Variants in SH3RF2 observed in about 807,000 individuals in gnomAD.
SH3RF2 encodes SH3 domain containing ring finger 2.
In SH3RF2, 43 loss-of-function variants were observed where a neutral mutation model predicts 59.0. That is an observed-to-expected ratio of 0.73 (90% CI 0.57 to 0.94). The LOEUF (loss-of-function observed/expected upper bound fraction) is 0.94, where lower values mean the gene tolerates loss of function less well. Ranked by LOEUF, SH3RF2 falls within the 40% of genes least tolerant of loss-of-function variation. SH3RF2 has a pLI of 0.00. For missense variants in SH3RF2, 930 were observed against 940.1 expected, an observed-to-expected ratio of 0.99 and a Z score of 0.14; for synonymous variants, 391 against 391.5, an observed-to-expected ratio of 1.00 and a Z score of 0.01.
intron 4 of SH3RF2, among the ~76,000 whole-genome samples, chr5:146,011,357 G>C (rs965020928): frequency 5.9e-5 from 9 of 152,092 alleles, no homozygotes; most frequent in Non-Finnish European, 1.3e-4. Flanking sequence ...TGACTCGGCA[G>C]TGTGGGCTCT....
chr5:145,995,275 G>A (rs1270191024), intron 2 of SH3RF2, among the ~76,000 whole-genome samples: 3 of 152,168 alleles, frequency 2.0e-5, no homozygotes, highest in African/African-American at 7.2e-5. Flanking sequence ...CACTGGCCTG[G>A]ACTTAATCAC....
At chr5:145,964,585 G>T (rs904309923) in intron 2 of SH3RF2, among the ~76,000 whole-genome samples, 4 of 152,130 alleles carry the variant, frequency 2.6e-5, no homozygotes, top group African/African-American at 4.8e-5. Context: ...GGGATTACGG[G>T]CGTGAGCCAC....
downstream of SH3RF2, among the ~76,000 whole-genome samples, chr5:146,067,215 C>T (rs1341633626): frequency 6.6e-6 from 1 of 152,194 alleles, no homozygotes; most frequent in Non-Finnish European, 1.5e-5. Context: ...AAACATGGCT[C>T]AGTGACCTCC....
rs374260852 is a variant in SH3RF2, at chr5:146,027,828, G to A, written c.1059+13767G>A. On this transcript the variant is annotated intron_variant, in intron 5 of 9. Coordinates refer to ENST00000359120, the MANE Select transcript of SH3RF2 (RefSeq NM_152550.4). ...TTCTACTGAGGTCACTCCAGAAAGCGCCAGTACTCCTGGGGCACAGTGACT... is the reference window on the plus strand; with the variant it reads ...TTCTACTGAGGTCACTCCAGAAAGCACCAGTACTCCTGGGGCACAGTGACT... Among the ~76,000 whole-genome samples the A allele has an allele frequency of 2.1e-4, 32 of 152,268 alleles. No individual in the cohort carries two copies. In the South Asian group the frequency reaches 6.0e-3, roughly 29 times the overall value.
intron 4 of SH3RF2, among the ~76,000 whole-genome samples, chr5:146,010,039 C>A (rs1760812257): frequency 6.6e-6 from 1 of 152,088 alleles, no homozygotes; most frequent in African/African-American, 2.4e-5. Context: ...TCCCCCCACC[C>A]CACGACAGGC....
At chr5:145,999,532 G>A (rs1193675436) in intron 2 of SH3RF2, among the ~76,000 whole-genome samples, 2 of 152,160 alleles carry the variant, frequency 1.3e-5, no homozygotes, top group Admixed American at 6.5e-5. Context: ...AGTGAGAGAT[G>A]TGAAACTCTT....
chr5:145,994,966 T>G (rs1305444239), intron 2 of SH3RF2, among the ~76,000 whole-genome samples: 1 of 150,924 alleles, frequency 6.6e-6, no homozygotes, highest in Non-Finnish European at 1.5e-5. Flanking sequence ...CTTCTCATTC[T>G]CCCTTTCTTT....
intron 8 of SH3RF2, 107 bp downstream of exon 8, chr5:146,056,320 A>G: frequency 6.6e-7 from 1 of 1,514,542 alleles, no homozygotes; most frequent in Non-Finnish European, 8.9e-7. Flanking sequence ...GCTTTAAACT[A>G]AGCCCCTGCA....
intron 5 of SH3RF2, among the ~76,000 whole-genome samples, chr5:146,046,121 C>T (rs769102673): frequency 2.6e-5 from 4 of 152,196 alleles, no homozygotes; most frequent in African/African-American, 4.8e-5. Context: ...TGGGCATACT[C>T]GTACACACCT....
intron 3 of SH3RF2, among the ~76,000 whole-genome samples, chr5:146,001,199 A>T (rs977038483): frequency 6.6e-6 from 1 of 152,250 alleles, no homozygotes; most frequent in East Asian, 1.9e-4. Context: ...TACTTTAACT[A>T]TCTGTATTCA....
intron 3 of SH3RF2, among the ~76,000 whole-genome samples, chr5:146,001,885 G>C (rs1760432029): frequency 6.6e-6 from 1 of 152,160 alleles, no homozygotes; most frequent in Admixed American, 6.5e-5. Context: ...AGACTTCTAG[G>C]AAATCTCATG....
At chr5:145,962,888 CTTTTTTTTT>C in intron 2 of SH3RF2, among the ~76,000 whole-genome samples, 1 of 104,560 alleles carries the variant, frequency 9.6e-6, no homozygotes, top group East Asian at 3.0e-4. Flanking sequence ...TATTATTCCA[CTTTTTTTTT>C]TTTTTTTTTT....
At chr5:146,073,765 C>T (rs1763284055) in intron 9 of SH3RF2, among the ~76,000 whole-genome samples, 1 of 152,150 alleles carries the variant, frequency 6.6e-6, no homozygotes, top group South Asian at 2.1e-4. Context: ...AGGTTCCTAC[C>T]TGCAGGAAGT....
intron 2 of SH3RF2, among the ~76,000 whole-genome samples, chr5:145,954,689 T>A (rs1169749156): frequency 2.6e-5 from 4 of 152,188 alleles, no homozygotes; most frequent in African/African-American, 9.7e-5. Flanking sequence ...AGTTTGGGAT[T>A]TTACATTTAG....
At chr5:145,989,182 C>T (rs1759837244) in intron 2 of SH3RF2, among the ~76,000 whole-genome samples, 1 of 152,142 alleles carries the variant, frequency 6.6e-6, no homozygotes, top group African/African-American at 2.4e-5. Flanking sequence ...GCAAAGAAAC[C>T]TGTGTGATTT....
At chr5:146,033,451 CT>C (rs558717056) in intron 5 of SH3RF2, among the ~76,000 whole-genome samples, 97 of 71,812 alleles carry the variant, frequency 1.4e-3, no homozygotes, top group African/African-American at 4.3e-3. Context: ...TAGCCCTTAG[CT>C]TTTTTTTTTT....
At chr5:146,065,562 A>T (rs114155991), downstream of SH3RF2, among the ~76,000 whole-genome samples, 664 of 152,328 alleles carry the variant, frequency 4.4e-3, 3 homozygotes, top group African/African-American at 0.014. Context: ...AAATGAAATG[A>T]AATATTCTTC....
In SH3RF2 at chr5:146,000,164, G is replaced by T; in HGVS notation, c.485G>T (p.Trp162Leu). The T allele has an allele frequency of 1.9e-6, 3 of 1,613,862 alleles. No homozygotes were observed. The South Asian group carries it at 3.3e-5, about 18-fold the overall frequency. ...ILLRRQLDEN[W>L]YQGEINGISG... is the part of the protein sequence containing the mutation. ...CTCCGGAGACAGCTTGATGAGAATTGGTACCAGGGGGAAATCAATGGCATC... is the reference window on the plus strand; with the variant it reads ...CTCCGGAGACAGCTTGATGAGAATTTGTACCAGGGGGAAATCAATGGCATC... The change falls in exon 3 of 10, where the codon TGG (tryptophan) becomes TTG (leucine). Residue 162 changes from tryptophan (W) to leucine (L), a missense_variant. Coordinates refer to ENST00000359120, the MANE Select transcript of SH3RF2 (RefSeq NM_152550.4).
chr5:146,057,101 C>A (rs1414127746), intron 8 of SH3RF2, among the ~76,000 whole-genome samples: 1 of 152,222 alleles, frequency 6.6e-6, no homozygotes, highest in Non-Finnish European at 1.5e-5. Flanking sequence ...CTAAGCTCTG[C>A]GATCTCTCTT....
Sources: gnomAD v4.1 joint callset for allele counts (sites outside exome capture counted in the v4.1 genomes callset) on GRCh38, gnomAD v4.1.1 for gene constraint, MANE v1.5 for transcripts, NCBI Gene and HGNC (gene_info 2026-07-23, HGNC 2026-07-21) for gene names.